The following RARB variants were observed in gnomAD, a reference collection of about 807,000 sequenced individuals.
RARB encodes HBV-activated protein.
In RARB, 17 loss-of-function variants were observed where a neutral mutation model predicts 51.9. That is an observed-to-expected ratio of 0.33 (90% CI 0.22 to 0.49). The LOEUF (loss-of-function observed/expected upper bound fraction) is 0.49, where lower values mean the gene tolerates loss of function less well. Among genes scored for constraint, RARB ranks in the 20% least tolerant of loss-of-function variants. RARB has a pLI of 0.99. For synonymous variants in RARB, 215 were observed against 195.4 expected (o/e 1.10, Z -0.84); for missense variants, 369 against 550.8 (o/e 0.67, Z 3.30).
Position 25,482,521 on chromosome 3 carries a change from A to ATTTTTTTTTT in RARB, c.307-18634_307-18625dup, listed in dbSNP as rs71087718. Among the ~76,000 whole-genome samples the ATTTTTTTTTT allele has an allele frequency of 5.0e-3, 332 of 65,776 alleles. 55 individuals carry two copies. The highest frequency in any genetic ancestry group is 0.022 in the African/African-American group (317 of 14,272). The allele number at this position is 65,776 out of a possible 152,430, so 43.2% of individuals were successfully genotyped here. A position where few individuals can be genotyped will look rare whatever the true frequency, so the allele number is the denominator to read the frequency against. On this transcript the variant is annotated intron_variant, in intron 2 of 7. Transcript: ENST00000330688. Reference sequence around the variant, plus strand: ...TAACTTTAAATTTTCTAGCAGCCAAATTTTTTTTTTTTTTTTTTTTTTTTT... The same window carrying ATTTTTTTTTT: ...TAACTTTAAATTTTCTAGCAGCCAAATTTTTTTTTTTTTTTTTTTTTTTTTTTTTTTTTTT...
At chr3:25,463,009 TAAATA>T (rs1420529849) in intron 2 of RARB, among the ~76,000 whole-genome samples, 3 of 152,180 alleles carry the variant, frequency 2.0e-5, no homozygotes, top group Non-Finnish European at 2.9e-5. Context: ...GTTCTTCTTT[TAAATA>T]AAATAAAACG....
At chr3:25,570,008 ACACACACACACACT>A (rs1700648374) in intron 4 of RARB, 90 bp downstream of exon 4, 2 of 1,399,964 alleles carry the variant, frequency 1.4e-6, no homozygotes, top group Non-Finnish European at 1.9e-6. Context: ...ACACACACAC[ACACACACACACACT>A]TTGCACTGGG....
chr3:24,876,381 T>C (rs1315253776), intron 2 of RARB, among the ~76,000 whole-genome samples: 2 of 152,114 alleles, frequency 1.3e-5, no homozygotes. Context: ...AATTCACATT[T>C]TTTCCTACAA....
chr3:25,012,471 C>CT lies in RARB; in HGVS notation c.-379-47653dup, dbSNP rs1697419984. Among the ~76,000 whole-genome samples, 3 of 152,232 alleles carry CT rather than the reference C, an allele frequency of 2.0e-5. No homozygotes were observed. The East Asian group carries it at 5.8e-4, about 29-fold the overall frequency. The stretch of plus-strand genomic sequence containing the variant: ...CATCAGCCAGGTTCAGAAAACTGTA[C>CT]TAGAAGCTCTGTGTTCCTCAGGACT... On this transcript the variant is annotated intron_variant, in intron 2 of 11. Coordinates refer to the RARB transcript ENST00000383772.
intron 3 of RARB, among the ~76,000 whole-genome samples, chr3:25,515,188 T>C (rs1480348681): frequency 6.6e-6 from 1 of 152,230 alleles, no homozygotes. Flanking sequence ...TGTGGCATTG[T>C]ATTCCTTAAA....
chr3:25,538,367 T>C (rs1699229868), intron 3 of RARB, among the ~76,000 whole-genome samples: 1 of 152,220 alleles, frequency 6.6e-6, no homozygotes, highest in African/African-American at 2.4e-5. Context: ...GGCTCCTTTT[T>C]TTTGCTAAGC....
intron 2 of RARB, among the ~76,000 whole-genome samples, chr3:24,890,067 A>G (rs1237758189): frequency 6.6e-6 from 1 of 152,178 alleles, no homozygotes; most frequent in Non-Finnish European, 1.5e-5. Flanking sequence ...AGATAAAAAT[A>G]TTGAAGAATT....
At chr3:25,068,421 G>A (rs1020531051) in intron 3 of RARB, among the ~76,000 whole-genome samples, 1 of 152,054 alleles carries the variant, frequency 6.6e-6, no homozygotes, top group African/African-American at 2.4e-5. Flanking sequence ...ATAGTTTGAG[G>A]AGGAAAGAAA....
chr3:25,162,411 C>T (rs1700487659), intron 4 of RARB, among the ~76,000 whole-genome samples: 1 of 152,160 alleles, frequency 6.6e-6, no homozygotes, highest in East Asian at 1.9e-4. Context: ...CCCAGCCATT[C>T]TTTTTAAATT....
chr3:25,088,364 A>C (rs544899836), intron 3 of RARB, among the ~76,000 whole-genome samples: 1 of 152,262 alleles, frequency 6.6e-6, no homozygotes, highest in South Asian at 2.1e-4. Flanking sequence ...TTCGGTCTCA[A>C]AACAATTTGC....
At chr3:25,257,497 C>T (rs1702894513) in intron 5 of RARB, among the ~76,000 whole-genome samples, 1 of 151,940 alleles carries the variant, frequency 6.6e-6, no homozygotes, top group Non-Finnish European at 1.5e-5. Flanking sequence ...AGAAGAAAAC[C>T]AGGACAGAAG....
intron 5 of RARB, among the ~76,000 whole-genome samples, chr3:25,255,618 A>C (rs1702845448): frequency 6.7e-6 from 1 of 149,946 alleles, no homozygotes; most frequent in Non-Finnish European, 1.5e-5. Flanking sequence ...TAGATGTCTC[A>C]AAGTACTGAT....
chr3:25,245,513 C>T (rs538460532), intron 5 of RARB, among the ~76,000 whole-genome samples: 13 of 152,226 alleles, frequency 8.5e-5, no homozygotes, highest in Admixed American at 8.5e-4. Context: ...TGACAAAATC[C>T]TTCAGCATTT....
chr3:25,300,671 C>G (rs1407254431), intron 5 of RARB, among the ~76,000 whole-genome samples: 1 of 152,100 alleles, frequency 6.6e-6, no homozygotes, highest in Non-Finnish European at 1.5e-5. Context: ...CCGTTTGAGT[C>G]ACTTTTGGCT....
At chr3:25,330,237 G>C (rs1575317377) in intron 5 of RARB, among the ~76,000 whole-genome samples, 1 of 152,094 alleles carries the variant, frequency 6.6e-6, no homozygotes, top group Non-Finnish European at 1.5e-5. Flanking sequence ...TTGAAATGAA[G>C]GAAAAAGTGT....
At chr3:25,174,444 A>G (rs761739789) in exon 5 of RARB, 3 of 1,352,164 alleles carry the variant, frequency 2.2e-6, no homozygotes, top group East Asian at 4.5e-5. Context: ...GTGAACGGAC[A>G]CATGACTCAC....
At chr3:25,048,494 C>G (rs1039484124) in intron 2 of RARB, among the ~76,000 whole-genome samples, 11 of 152,152 alleles carry the variant, frequency 7.2e-5, no homozygotes, top group African/African-American at 1.9e-4. Flanking sequence ...GGGCTTATTT[C>G]ATTATACAGG....
intron 5 of RARB, among the ~76,000 whole-genome samples, chr3:25,356,564 C>T (rs910460718): frequency 2.3e-4 from 35 of 151,594 alleles, no homozygotes; most frequent in Admixed American, 5.9e-4. Flanking sequence ...GTGCAGAATG[C>T]GCAGGTTTGT....
At chr3:25,556,239 T>C (rs1014924553) in intron 3 of RARB, among the ~76,000 whole-genome samples, 3 of 152,152 alleles carry the variant, frequency 2.0e-5, no homozygotes, top group Admixed American at 2.0e-4. Flanking sequence ...TTACAGACAG[T>C]GCAATTTGGG....
Sources: allele counts gnomAD v4.1 joint callset (sites outside exome capture counted in the v4.1 genomes callset), GRCh38; gene constraint gnomAD v4.1.1; transcripts MANE v1.5; gene names NCBI Gene and HGNC (gene_info 2026-07-23, HGNC 2026-07-21).